The following PLEKHM2 variants were observed in gnomAD, a reference collection of about 807,000 sequenced individuals.
PLEKHM2 encodes the protein pleckstrin homology and RUN domain containing M2.
In PLEKHM2, 77 loss-of-function variants were observed where a neutral mutation model predicts 116.3. That is an observed-to-expected ratio of 0.66 (90% CI 0.55 to 0.80). PLEKHM2 has a LOEUF of 0.80. Among genes scored for constraint, PLEKHM2 ranks in the 30% least tolerant of loss-of-function variants. The pLI, the probability that PLEKHM2 is intolerant of heterozygous loss-of-function variation, is 0.00. For missense variants in PLEKHM2, 1,183 were observed against 1,354.9 expected (o/e 0.87, Z 1.99); for synonymous variants, 562 against 571.0 (o/e 0.98, Z 0.22).
Position 15,727,136 on chromosome 1 carries a change from A to G in PLEKHM2, c.1064A>G (p.Asn355Ser). Reference sequence around the variant, plus strand: ...AAGCAGGGGGACGGTGACAGCCGCAACGGCAGCCCAAGCCTTGGGCGGGAC... The same window carrying G: ...AAGCAGGGGGACGGTGACAGCCGCAGCGGCAGCCCAAGCCTTGGGCGGGAC... ...CAKQGDGDSRNGSPSLGRDSP... is the reference protein window; with the variant it reads ...CAKQGDGDSRSGSPSLGRDSP... Residue 355 changes from asparagine to serine, a missense_variant, in exon 9 of 20, where the codon AAC becomes AGC. By Grantham distance (46) the Asn-to-Ser change is conservative. This residue lies in a region of PLEKHM2 where 372 missense variants were observed against 357.2 expected (regional missense o/e 1.04). Transcript: ENST00000375799. The surrounding 1 kb of genome is among the most constrained non-coding windows in gnomAD (Gnocchi z 7.5). The G allele has an allele frequency of 6.3e-7, 1 of 1,592,608 alleles. No homozygotes were observed. Among genetic ancestry groups the G allele is most frequent in the Non-Finnish European group, 8.6e-7 (1 of 1,168,992 alleles).
Position 15,729,851 on chromosome 1 carries a change from C to G in PLEKHM2, c.2130C>G (p.Pro710=). Residue 710 remains proline (P), a synonymous_variant, in exon 14 of 20, where the codon CCC becomes CCG. Coordinates refer to ENST00000375799, the MANE Select transcript of PLEKHM2 (RefSeq NM_015164.4). The surrounding 1 kb of genome is among the most constrained non-coding windows in gnomAD (Gnocchi z 4.7). ...TGATCAAAGGCTGTCGAGAACCTCC[C>G]TACCCCAGCATCCTGACGGATGCCA... ...SAMIKGCREP[P]YPSILTDATM... is the part of the protein sequence containing the mutation. The G allele has an allele frequency of 6.2e-7, 1 of 1,613,274 alleles. No individual in the cohort carries two copies. Among genetic ancestry groups the G allele is most frequent in the East Asian group, 2.2e-5 (1 of 44,878 alleles).
Position 15,719,661 on chromosome 1 carries a change from T to C in PLEKHM2, c.466-73T>C. On this transcript the variant is annotated intron_variant, in intron 5 of 19. Transcript: ENST00000375799. The surrounding 1 kb of genome is among the most constrained non-coding windows in gnomAD (Gnocchi z 4.1). Reference sequence around the variant, plus strand: ...GAGGCACATCTGTGTCTCCCAGGCCTGGATCCTGCTGTCTGCAGAAGGCCG... The same window carrying C: ...GAGGCACATCTGTGTCTCCCAGGCCCGGATCCTGCTGTCTGCAGAAGGCCG... 9.9e-7 allele frequency: 1 copy of C among 1,009,844 alleles called. No individual in the cohort carries two copies. The highest frequency in any genetic ancestry group is 2.0e-5 in the Admixed American group (1 of 50,240). The allele number at this position is 1,009,844 out of a possible 1,614,324, so 62.6% of individuals were successfully genotyped here. A position where few individuals can be genotyped will look rare whatever the true frequency, so the allele number is the denominator to read the frequency against.
chr1:15,715,683 C>G (rs891607813), intron 1 of PLEKHM2, among the ~76,000 whole-genome samples: 1 of 152,042 alleles, frequency 6.6e-6, no homozygotes, highest in Non-Finnish European at 1.5e-5. Context: ...AGATACTTTT[C>G]TAATATATGA....
At chr1:15,682,259 GCC>G (rs1208039283), upstream of PLEKHM2, among the ~76,000 whole-genome samples, 1 of 151,580 alleles carries the variant, frequency 6.6e-6, no homozygotes, top group Non-Finnish European at 1.5e-5. Flanking sequence ...GACCAGCCTG[GCC>G]AACATGGCGA....
In PLEKHM2 at chr1:15,732,481, C is replaced by T. The variant is rs377066447; in HGVS notation, c.2757C>T (p.Gly919=). 6.8e-5 allele frequency: 110 copies of T among 1,606,332 alleles called. No individual in the cohort carries two copies. The highest frequency in any genetic ancestry group is 8.5e-5 in the Non-Finnish European group (100 of 1,176,774). Residue 919 remains glycine (G), a synonymous_variant, in exon 18 of 20, where the codon GGC becomes GGT. Coordinates refer to ENST00000375799, the MANE Select transcript of PLEKHM2 (RefSeq NM_015164.4). Reference sequence around the variant, plus strand: ...GCTCTTTGGGCACAGCCAAGCTGGGCGACATCAGCGCCGTCTCCACCGAGC... The same window carrying T: ...GCTCTTTGGGCACAGCCAAGCTGGGTGACATCAGCGCCGTCTCCACCGAGC... ...FFRSLGTAKL[G]DISAVSTEPG... is the part of the protein sequence containing the mutation.
rs2068104575 is a variant in PLEKHM2, at chr1:15,729,076, G to T, written c.1987-26G>T. 3.8e-6 allele frequency: 6 copies of T among 1,590,344 alleles called. No individual in the cohort carries two copies. The highest frequency in any genetic ancestry group is 4.3e-6 in the Non-Finnish European group (5 of 1,167,078). On this transcript the variant is annotated intron_variant, in intron 12 of 19. Coordinates refer to ENST00000375799, the MANE Select transcript of PLEKHM2 (RefSeq NM_015164.4). The surrounding 1 kb of genome is among the most constrained non-coding windows in gnomAD (Gnocchi z 4.7). ...GCCAGGCAGCAGCTAAGCCCCAAGT[G>T]CATGTCACGGTGTGGTTTCTGGCAG...
rs750343422 is a variant in PLEKHM2 at position 15,732,543 on chromosome 1, G to C, written c.2805+14G>C. The C allele has an allele frequency of 8.1e-6, 13 of 1,607,910 alleles. No individual in the cohort carries two copies. The highest frequency in any genetic ancestry group is 1.3e-5 in the African/African-American group (1 of 74,938). ...TACTGCGTCTTGGTGAGCTTTGAGT[G>C]GGGGCGGGGCTGCAAGGCCTGCAGA... On this transcript the variant is annotated intron_variant, in intron 18 of 19. Coordinates refer to ENST00000375799, the MANE Select transcript of PLEKHM2 (RefSeq NM_015164.4).
chr1:15,682,241 G>A (rs538512126), upstream of PLEKHM2, among the ~76,000 whole-genome samples: 1 of 151,818 alleles, frequency 6.6e-6, no homozygotes, highest in South Asian at 2.1e-4. Context: ...CTGAGGTCAG[G>A]AGTTCAAGAC....
Position 15,728,052 on chromosome 1 carries a change from C to T in PLEKHM2, c.1761-27C>T, listed in dbSNP as rs772326245. On this transcript the variant is annotated intron_variant, in intron 9 of 19. Transcript: ENST00000375799. This position sits in a 1 kb window ranked among gnomAD's most constrained non-coding sequence, Gnocchi z 5.9. ...TCTCTCACCGCTGCCTGCCTGACATCTCGCCCTCCTGACTTGGCCCTCACA... is the reference window on the plus strand; with the variant it reads ...TCTCTCACCGCTGCCTGCCTGACATTTCGCCCTCCTGACTTGGCCCTCACA... 6.3e-7 allele frequency: 1 copy of T among 1,582,656 alleles called. No individual in the cohort carries two copies. The highest frequency in any genetic ancestry group is 8.6e-7 in the Non-Finnish European group (1 of 1,157,072).
chr1:15,724,864 G>C (rs1291562411), intron 7 of PLEKHM2, among the ~76,000 whole-genome samples: 2 of 152,144 alleles, frequency 1.3e-5, no homozygotes, highest in African/African-American at 2.4e-5. Flanking sequence ...CCTACAAGTG[G>C]GGTATGGGGC....
At position 15,730,552 on chromosome 1, in the gene PLEKHM2, C is replaced by A; in HGVS notation, c.2229C>A (p.Arg743=). The change falls in exon 15 of 20, where the codon CGC becomes CGA. Residue 743 remains arginine (R), a synonymous_variant. Coordinates refer to ENST00000375799, the MANE Select transcript of PLEKHM2 (RefSeq NM_015164.4). ...SKCEASAVTV[R]FYGLVHWEDP... is the part of the protein sequence containing the mutation. ...ATCAGGCATCTGCTGTCACCGTGCG[C>A]TTCTACGGCCTTGTGCACTGGGAGG... The A allele has an allele frequency of 2.5e-6, 4 of 1,595,090 alleles. No homozygotes were observed. Among genetic ancestry groups the A allele is most frequent in the Non-Finnish European group, 3.4e-6 (4 of 1,171,756 alleles).
At chr1:15,705,692 T>C (rs1409778361) in intron 1 of PLEKHM2, among the ~76,000 whole-genome samples, 1 of 152,154 alleles carries the variant, frequency 6.6e-6, no homozygotes, top group Non-Finnish European at 1.5e-5. Flanking sequence ...TCCTCTACAC[T>C]GTAGCCAGCT....
chr1:15,701,275 T>C (rs1425374177), intron 1 of PLEKHM2, among the ~76,000 whole-genome samples: 1 of 149,006 alleles, frequency 6.7e-6, no homozygotes, highest in East Asian at 2.0e-4. Flanking sequence ...CTACTAAAAA[T>C]ACAAAAAATT....
rs1314519524 is a variant in PLEKHM2, at chr1:15,732,667, G to C, written c.2861G>C (p.Cys954Ser). The C allele has an allele frequency of 6.8e-6, 11 of 1,610,616 alleles. No homozygotes were observed. The highest frequency in any genetic ancestry group is 1.7e-4 in the Middle Eastern group (1 of 6,054). ...LLPPWVIYLS[C>S]TSELDRLLSA... is the part of the protein sequence containing the mutation. ...CCGCCCTGGGTCATCTACCTGAGCT[G>C]CACTTCTGAACTGGACCGATTGCTG... is the stretch of plus-strand genomic sequence containing the variant. Residue 954 changes from cysteine to serine, a missense_variant, in exon 19 of 20, where the codon TGC becomes TCC. By Grantham distance (112) the Cys-to-Ser change is moderately radical. Coordinates refer to ENST00000375799, the MANE Select transcript of PLEKHM2 (RefSeq NM_015164.4).
intron 8 of PLEKHM2, 146 bp downstream of exon 8, chr1:15,725,691 G>A (rs533568958): frequency 3.2e-6 from 2 of 624,290 alleles, no homozygotes; most frequent in East Asian, 2.7e-5. Flanking sequence ...CCTCTAGGAG[G>A]TTCTTTGAGC....
rs758769572 is a variant in PLEKHM2 at position 15,721,382 on chromosome 1, T to A, written c.706T>A (p.Trp236Arg). Residue 236 changes from tryptophan to arginine, a missense_variant, in exon 7 of 20, where the codon TGG becomes AGG. Trp to Arg is a moderately radical substitution (Grantham distance 101, BLOSUM62 -3). Coordinates refer to ENST00000375799, the MANE Select transcript of PLEKHM2 (RefSeq NM_015164.4). The surrounding 1 kb of genome is among the most constrained non-coding windows in gnomAD (Gnocchi z 5.1). ...AGTGCCGTCTGTACCCAGCACAGACTGGGAAGGTGGGCCAGAGTCCGCTGT... is the reference window on the plus strand; with the variant it reads ...AGTGCCGTCTGTACCCAGCACAGACAGGGAAGGTGGGCCAGAGTCCGCTGT... The part of the protein sequence containing the change: ...PAVPSVPSTD[W>R]EDGDLTDTVS... The A allele has an allele frequency of 1.3e-6, 2 of 1,563,740 alleles. No individual in the cohort carries two copies. The highest frequency in any genetic ancestry group is 2.4e-5 in the South Asian group (2 of 85,022).
chr1:15,703,341 C>T (rs981403464), intron 1 of PLEKHM2, among the ~76,000 whole-genome samples: 1 of 126,476 alleles, frequency 7.9e-6, no homozygotes, highest in Non-Finnish European at 1.6e-5. Context: ...ATCTGTCCAG[C>T]CTCTCCTGTT....
rs761803250 is a variant in PLEKHM2 at position 15,732,542 on chromosome 1, TG to T, written c.2805+18del. On this transcript the variant is annotated intron_variant, in intron 18 of 19. Coordinates refer to ENST00000375799, the MANE Select transcript of PLEKHM2 (RefSeq NM_015164.4). ...GTACTGCGTCTTGGTGAGCTTTGAGTGGGGGCGGGGCTGCAAGGCCTGCAGA... is the reference window on the plus strand; with the variant it reads ...GTACTGCGTCTTGGTGAGCTTTGAGTGGGGCGGGGCTGCAAGGCCTGCAGA... 2.5e-6 allele frequency: 4 copies of T among 1,607,778 alleles called. No homozygotes were observed. The East Asian group carries it at 8.9e-5, about 36-fold the overall frequency.
In PLEKHM2 at chr1:15,729,688, T is replaced by TC; in HGVS notation, c.2076-104dup. The TC allele has an allele frequency of 1.0e-6, 1 of 962,964 alleles. No individual in the cohort carries two copies. Among genetic ancestry groups the TC allele is most frequent in the Non-Finnish European group, 1.6e-6 (1 of 643,108 alleles). The allele number at this position is 962,964 out of a possible 1,614,324, so 59.7% of individuals were successfully genotyped here. ...TGGTCACTGGGTCTAGCCAGGTCTCTCCCCCAAGTTTCTGTGACCCCTCCA... is the reference window on the plus strand; with the variant it reads ...TGGTCACTGGGTCTAGCCAGGTCTCTCCCCCCAAGTTTCTGTGACCCCTCCA... On this transcript the variant is annotated intron_variant, in intron 13 of 19. Transcript: ENST00000375799. The surrounding 1 kb of genome is among the most constrained non-coding windows in gnomAD (Gnocchi z 4.7).
Sources: gnomAD v4.1 joint callset for allele counts (sites outside exome capture counted in the v4.1 genomes callset) on GRCh38, gnomAD v4.1.1 for gene constraint, gnomAD v4.1.1 regional missense constraint, Gnocchi (gnomAD v3.1) non-coding constraint, MANE v1.5 for transcripts, NCBI Gene and HGNC (gene_info 2026-07-23, HGNC 2026-07-21) for gene names.